CAMK1D: variants seen among roughly 807,000 people sequenced by gnomAD.
CAMK1D encodes calcium/calmodulin-dependent protein kinase type 1D.
A neutral mutation model predicts 47.7 loss-of-function variants in CAMK1D; 9 were observed. The ratio of observed to expected loss-of-function variants is 0.19; its 90% CI spans 0.11 to 0.33. The LOEUF is 0.33. Ranked by LOEUF, CAMK1D falls within the 10% of genes least tolerant of loss-of-function variation. CAMK1D has a pLI of 1.00. For synonymous variants in CAMK1D, 184 were observed against 184.9 expected (o/e 0.99, Z 0.04); for missense variants, 291 against 488.7 (o/e 0.60, Z 3.81).
In CAMK1D at chr10:12,830,124, C is replaced by T. The variant is rs950187805; in HGVS notation, c.*1237C>T. ...GCTGAAAGTGGGCCCACACACAACCCTCATTTCTCACGAGAGCTAACAGAT... is the reference window on the plus strand; with the variant it reads ...GCTGAAAGTGGGCCCACACACAACCTTCATTTCTCACGAGAGCTAACAGAT... On this transcript the variant is annotated 3_prime_UTR_variant, in exon 11 of 11. Transcript: ENST00000619168. 11 of 152,322 alleles carry T rather than the reference C, an allele frequency of 7.2e-5. No individual in the cohort carries two copies. The highest frequency in any genetic ancestry group is 1.5e-5 in the Non-Finnish European group (1 of 68,040). 9.4% of individuals were successfully genotyped at this position (152,322 alleles called of 1,614,324 possible). A position where few individuals can be genotyped will look rare whatever the true frequency, so the allele number is the denominator to read the frequency against.
chr10:12,710,282 G>T (rs1833886996), intron 3 of CAMK1D, among the ~76,000 whole-genome samples: 1 of 152,148 alleles, frequency 6.6e-6, no homozygotes, highest in South Asian at 2.1e-4. Context: ...TAATGACATT[G>T]ATTTACGTTG....
intron 1 of CAMK1D, among the ~76,000 whole-genome samples, chr10:12,484,982 G>A (rs1294629320): frequency 2.0e-5 from 3 of 152,146 alleles, no homozygotes; most frequent in Non-Finnish European, 2.9e-5. Flanking sequence ...TAATGTCACC[G>A]ATTACCATCT....
chr10:12,774,555 G>A (rs536258691), intron 5 of CAMK1D, among the ~76,000 whole-genome samples: 32 of 152,212 alleles, frequency 2.1e-4, no homozygotes, highest in Admixed American at 4.6e-4. Context: ...ATAGGATGCC[G>A]TGGGATGCTT....
At chr10:12,813,763 T>C (rs1832695988) in intron 6 of CAMK1D, among the ~76,000 whole-genome samples, 1 of 152,056 alleles carries the variant, frequency 6.6e-6, no homozygotes, top group Non-Finnish European at 1.5e-5. Flanking sequence ...TTTTTCTTTC[T>C]TCTTTTCTTT....
intron 4 of CAMK1D, among the ~76,000 whole-genome samples, chr10:12,762,444 A>G (rs1836553895): frequency 6.6e-6 from 1 of 152,136 alleles, no homozygotes. Flanking sequence ...AAGACTCACT[A>G]CCATGGTTTT....
At chr10:12,751,148 C>T (rs1478090763) in intron 3 of CAMK1D, among the ~76,000 whole-genome samples, 1 of 151,850 alleles carries the variant, frequency 6.6e-6, no homozygotes, top group Non-Finnish European at 1.5e-5. Context: ...AGGCTTCTTT[C>T]GTGAGCTTCA....
intron 1 of CAMK1D, among the ~76,000 whole-genome samples, chr10:12,450,491 G>T (rs1476221527): frequency 6.6e-6 from 1 of 152,198 alleles, no homozygotes; most frequent in African/African-American, 2.4e-5. Context: ...CTCTAGCCAG[G>T]TGAAATGGAA....
intron 1 of CAMK1D, among the ~76,000 whole-genome samples, chr10:12,400,155 A>G (rs1839124215): frequency 1.3e-5 from 2 of 152,170 alleles, no homozygotes; most frequent in Admixed American, 1.3e-4. Flanking sequence ...ATTTCAGGAT[A>G]ATGTCTAGGT....
intron 3 of CAMK1D, among the ~76,000 whole-genome samples, chr10:12,710,113 C>T (rs1833879841): frequency 6.6e-6 from 1 of 152,200 alleles, no homozygotes. Flanking sequence ...AAATGAAATA[C>T]TATATAAATG....
At chr10:12,479,127 C>T (rs1452107415) in intron 1 of CAMK1D, among the ~76,000 whole-genome samples, 1 of 152,174 alleles carries the variant, frequency 6.6e-6, no homozygotes, top group Non-Finnish European at 1.5e-5. Context: ...GAAAACGGCT[C>T]CTGGCCCTGC....
intron 1 of CAMK1D, among the ~76,000 whole-genome samples, chr10:12,361,249 T>G (rs1438337876): frequency 3.6e-4 from 1 of 2,754 alleles, no homozygotes; most frequent in Admixed American, 0.018. Context: ...TATTTGACTG[T>G]TTTTTTTTTT....
At chr10:12,424,280 C>T (rs1292303924) in intron 1 of CAMK1D, among the ~76,000 whole-genome samples, 1 of 152,120 alleles carries the variant, frequency 6.6e-6, no homozygotes, top group Non-Finnish European at 1.5e-5. Context: ...CCCACCAAGT[C>T]TCTAGCTCCG....
At chr10:12,387,425 TTTTA>T (rs1266788286) in intron 1 of CAMK1D, among the ~76,000 whole-genome samples, 36 of 67,140 alleles carry the variant, frequency 5.4e-4, no homozygotes, top group Admixed American at 1.1e-3. Flanking sequence ...ATTTTATATA[TTTTA>T]TATATTATAT....
intron 1 of CAMK1D, among the ~76,000 whole-genome samples, chr10:12,436,844 C>G (rs527917846): frequency 6.6e-6 from 1 of 152,104 alleles, no homozygotes; most frequent in Non-Finnish European, 1.5e-5. Context: ...CAAGACCACC[C>G]CCAGGTTTGA....
intron 3 of CAMK1D, among the ~76,000 whole-genome samples, chr10:12,719,792 G>A (rs1834300282): frequency 6.6e-6 from 1 of 152,194 alleles, no homozygotes; most frequent in Admixed American, 6.5e-5. Flanking sequence ...TGAAACCTAT[G>A]GATAACACTC....
At chr10:12,667,025 G>C (rs577175741) in intron 3 of CAMK1D, 1 of 516,948 alleles carries the variant, frequency 1.9e-6, no homozygotes, top group Admixed American at 3.4e-5. Context: ...GCACTGCTGG[G>C]CTGGACTGAT....
intron 1 of CAMK1D, among the ~76,000 whole-genome samples, chr10:12,461,971 AT>A (rs1343761879): frequency 1.5e-5 from 2 of 131,012 alleles, no homozygotes. Flanking sequence ...TCACCAGAAT[AT>A]TCCCACCCAG....
In CAMK1D at chr10:12,791,147, T is replaced by C; in HGVS notation, c.566-11T>C. 1 of 1,613,946 alleles carries C rather than the reference T, an allele frequency of 6.2e-7. No homozygotes were observed. Among genetic ancestry groups the C allele is most frequent in the Non-Finnish European group, 8.5e-7 (1 of 1,179,856 alleles). On this transcript the variant is annotated splice_polypyrimidine_tract_variant and intron_variant, in intron 5 of 10. Transcript: ENST00000619168. ...ATTGTCAGGCTGTGTCTTTTCTTTG[T>C]CTTTCTGCAGCTCCTGAAGTCCTCG...
chr10:12,597,953 G>A (rs1376855429), intron 2 of CAMK1D, among the ~76,000 whole-genome samples: 1 of 152,126 alleles, frequency 6.6e-6, no homozygotes, highest in Non-Finnish European at 1.5e-5. Flanking sequence ...AGCACCAACT[G>A]CATCTGTCCC....
Sources: gnomAD v4.1 joint callset for allele counts (sites outside exome capture counted in the v4.1 genomes callset) on GRCh38, gnomAD v4.1.1 for gene constraint, MANE v1.5 for transcripts, NCBI Gene and HGNC (gene_info 2026-07-23, HGNC 2026-07-21) for gene names.